Variants in COG5 observed in about 807,000 individuals in gnomAD.
COG5 encodes component of oligomeric golgi complex 5.
A neutral mutation model predicts 110.4 loss-of-function variants in COG5; 86 were observed. The observed-to-expected ratio is 0.78, with a 90% CI of 0.65 to 0.93. The LOEUF is 0.93. Ranked by LOEUF, COG5 falls within the 40% of genes least tolerant of loss-of-function variation. The pLI, the probability that COG5 is intolerant of heterozygous loss-of-function variation, is 0.00. For synonymous variants in COG5, 360 were observed against 334.6 expected (o/e 1.08, Z -0.83); for missense variants, 1,077 against 987.0 (o/e 1.09, Z -1.22).
chr7:107,547,456 G>C (rs1802532510), intron 5 of COG5, among the ~76,000 whole-genome samples: 1 of 152,090 alleles, frequency 6.6e-6, no homozygotes, highest in African/African-American at 2.4e-5. Flanking sequence ...TCTAAGATCA[G>C]GAACAAAACA....
chr7:107,258,246 T>TAAAAAAAAA (rs539484225), intron 15 of COG5, 27 bp downstream of exon 15: 2 of 1,357,594 alleles, frequency 1.5e-6, no homozygotes, highest in South Asian at 2.4e-5. Context: ...TAAAATTAAG[T>TAAAAAAAAA]AAAAAAAAAC....
chr7:107,255,727 A>G (rs901092256), intron 16 of COG5, among the ~76,000 whole-genome samples: 2 of 152,110 alleles, frequency 1.3e-5, no homozygotes, highest in African/African-American at 4.8e-5. Flanking sequence ...AACTAAGGCA[A>G]GAGAGAGCTT....
chr7:107,414,096 A>C (rs1792517330), intron 6 of COG5, among the ~76,000 whole-genome samples: 1 of 152,228 alleles, frequency 6.6e-6, no homozygotes, highest in Admixed American at 6.5e-5. Context: ...AGATGTAAAA[A>C]TCATAACAGA....
At chr7:107,316,745 T>C (rs191364407) in intron 11 of COG5, among the ~76,000 whole-genome samples, 2 of 144,726 alleles carry the variant, frequency 1.4e-5, no homozygotes, top group East Asian at 2.0e-4. Context: ...GGCAGGAGAA[T>C]GGCGTGAACC....
chr7:107,511,682 A>G (rs538042496), intron 6 of COG5, among the ~76,000 whole-genome samples: 4 of 152,358 alleles, frequency 2.6e-5, no homozygotes, highest in African/African-American at 9.6e-5. Flanking sequence ...CAGCACATCA[A>G]AAAGCTTATC....
In COG5 at chr7:107,461,064, G is replaced by A. The variant is rs115216642; in HGVS notation, c.539-48432C>T. On this transcript the variant is annotated intron_variant, in intron 6 of 21. Transcript: ENST00000297135. The stretch of plus-strand genomic sequence containing the variant: ...ATCTTACAAAAACATTTTCAAAATT[G>A]GAGAAAAAGAACATCTTTCAACTCA... 5.5e-3 allele frequency among the ~76,000 whole-genome samples: 843 copies of A among 152,026 alleles called. 8 individuals carry two copies. Among genetic ancestry groups the A allele is most frequent in the African/African-American group, 0.02 (813 of 41,490 alleles).
chr7:107,229,680 A>G (rs1261013558), intron 19 of COG5, among the ~76,000 whole-genome samples: 2 of 152,174 alleles, frequency 1.3e-5, no homozygotes, highest in Non-Finnish European at 2.9e-5. Context: ...GTATTCTGTT[A>G]GATCATGAAT....
At chr7:107,540,926 G>A (rs546496841) in intron 5 of COG5, among the ~76,000 whole-genome samples, 3 of 152,112 alleles carry the variant, frequency 2.0e-5, no homozygotes, top group Middle Eastern at 3.4e-3. Context: ...TGAGGCAGGC[G>A]GATCACCTGA....
intron 12 of COG5, among the ~76,000 whole-genome samples, chr7:107,287,231 T>C (rs1381223748): frequency 6.6e-6 from 1 of 152,226 alleles, no homozygotes; most frequent in Admixed American, 6.5e-5. Flanking sequence ...TTTAGTGTTA[T>C]GGTTAGGCCC....
intron 8 of COG5, among the ~76,000 whole-genome samples, chr7:107,364,582 G>A (rs998775629): frequency 1.3e-5 from 2 of 152,094 alleles, no homozygotes; most frequent in African/African-American, 4.8e-5. Context: ...ATCCCAAATT[G>A]AAAGGCATAC....
At chr7:107,484,886 C>T (rs755103185) in intron 6 of COG5, among the ~76,000 whole-genome samples, 1 of 150,662 alleles carries the variant, frequency 6.6e-6, no homozygotes, top group Non-Finnish European at 1.5e-5. Context: ...TCGTAACACA[C>T]CTAAGAGGTC....
At chr7:107,470,867 C>T (rs1796591649) in intron 6 of COG5, among the ~76,000 whole-genome samples, 1 of 151,846 alleles carries the variant, frequency 6.6e-6, no homozygotes, top group Admixed American at 6.6e-5. Context: ...ATTTTTATTA[C>T]CTTTTGTATT....
chr7:107,535,035 A>G (rs576823294), intron 5 of COG5, among the ~76,000 whole-genome samples: 2 of 151,814 alleles, frequency 1.3e-5, no homozygotes, highest in African/African-American at 2.4e-5. Flanking sequence ...CCGCACAACT[A>G]TATAGAAACT....
intron 1 of COG5, among the ~76,000 whole-genome samples, chr7:107,558,510 G>T (rs1803499840): frequency 6.6e-6 from 1 of 151,854 alleles, no homozygotes. Flanking sequence ...AGGCTGAAGT[G>T]GAAGAATAGC....
At chr7:107,339,479 T>C (rs1323857068) in intron 10 of COG5, among the ~76,000 whole-genome samples, 1 of 151,836 alleles carries the variant, frequency 6.6e-6, no homozygotes, top group African/African-American at 2.4e-5. Context: ...GGTAGAAAAC[T>C]AACAAAGAAA....
intron 10 of COG5, among the ~76,000 whole-genome samples, chr7:107,331,467 C>CA (rs1387831551): frequency 2.7e-5 from 4 of 148,540 alleles, no homozygotes; most frequent in South Asian, 2.1e-4. Flanking sequence ...GACTCCATCT[C>CA]AAAAAAAAAG....
chr7:107,442,561 T>G (rs1341630596), intron 6 of COG5, among the ~76,000 whole-genome samples: 1 of 150,020 alleles, frequency 6.7e-6, no homozygotes. Flanking sequence ...CCATGTTCCC[T>G]CCCTACTTTC....
At chr7:107,447,898 G>A (rs535090895) in intron 6 of COG5, among the ~76,000 whole-genome samples, 7 of 152,300 alleles carry the variant, frequency 4.6e-5, no homozygotes, top group South Asian at 2.1e-4. Context: ...GCTCACACCC[G>A]TAATCCCAGC....
intron 7 of COG5, among the ~76,000 whole-genome samples, chr7:107,385,803 TTC>T (rs1193251422): frequency 6.7e-6 from 1 of 149,530 alleles, no homozygotes; most frequent in African/African-American, 2.5e-5. Context: ...GCTTGTTATT[TTC>T]TTTTTTTTTT....
Sources: gnomAD v4.1 joint callset for allele counts (sites outside exome capture counted in the v4.1 genomes callset) on GRCh38, gnomAD v4.1.1 for gene constraint, MANE v1.5 for transcripts, NCBI Gene and HGNC (gene_info 2026-07-23, HGNC 2026-07-21) for gene names.